Variants in ADGRV1 observed in about 807,000 individuals in gnomAD.
The protein encoded by ADGRV1 is adhesion G protein-coupled receptor V1, also known as G-protein coupled receptor 98.
ADGRV1 carries 359 observed loss-of-function variants against 596.2 expected under a neutral mutation model. That is an observed-to-expected ratio of 0.60 (90% CI 0.55 to 0.66). ADGRV1 has a LOEUF of 0.66. Among genes scored for constraint, ADGRV1 ranks in the 30% least tolerant of loss-of-function variants. The pLI is 0.00. For missense variants in ADGRV1, 7,274 were observed against 7,575.6 expected (o/e 0.96, Z 1.48); for synonymous variants, 2,681 against 2,679.2 (o/e 1.00, Z -0.02).
At chr5:90,861,427 A>C (rs1767548869) in intron 82 of ADGRV1, among the ~76,000 whole-genome samples, 1 of 152,088 alleles carries the variant, frequency 6.6e-6, no homozygotes, top group East Asian at 1.9e-4. Flanking sequence ...CTCCTGCCTC[A>C]GCCTCCCGGG....
intron 85 of ADGRV1, among the ~76,000 whole-genome samples, chr5:91,019,633 A>G (rs942040530): frequency 6.6e-6 from 1 of 151,952 alleles, no homozygotes; most frequent in Non-Finnish European, 1.5e-5. Flanking sequence ...CTTTTTTCAT[A>G]AAAGTCTGAT....
At chr5:90,781,172 A>G (rs528309068) in intron 64 of ADGRV1, 20 of 455,988 alleles carry the variant, frequency 4.4e-5, no homozygotes, top group African/African-American at 4.0e-4. Context: ...TTATCTTCCC[A>G]TTGCCCAAGT....
chr5:91,032,251 G>A (rs998123346), intron 85 of ADGRV1, among the ~76,000 whole-genome samples: 2 of 152,250 alleles, frequency 1.3e-5, no homozygotes, highest in African/African-American at 4.8e-5. Context: ...ATGAGAGGGA[G>A]AAGAGAGAAG....
intron 1 of ADGRV1, among the ~76,000 whole-genome samples, chr5:90,575,021 AT>A (rs1399045272): frequency 4.0e-5 from 6 of 150,850 alleles, no homozygotes; most frequent in Admixed American, 2.6e-4. Flanking sequence ...AATTTTATTT[AT>A]TTTTTTTCAA....
chr5:90,816,303 C>T (rs1337351857), intron 75 of ADGRV1, among the ~76,000 whole-genome samples: 1 of 151,046 alleles, frequency 6.6e-6, no homozygotes, highest in East Asian at 1.9e-4. Context: ...CCTTTAGGAC[C>T]TCCCTATAAT....
intron 50 of ADGRV1, among the ~76,000 whole-genome samples, chr5:90,740,132 G>A (rs937646239): frequency 1.5e-4 from 23 of 152,140 alleles, no homozygotes; most frequent in African/African-American, 4.6e-4. Context: ...CTGCAGCTGG[G>A]TCTGAGTAGG....
chr5:90,918,943 A>G (rs929934560), intron 83 of ADGRV1, among the ~76,000 whole-genome samples: 1 of 152,188 alleles, frequency 6.6e-6, no homozygotes, highest in Non-Finnish European at 1.5e-5. Context: ...CAATCTGGCC[A>G]TAGAACATAA....
intron 1 of ADGRV1, among the ~76,000 whole-genome samples, chr5:90,585,658 A>G (rs1210970564): frequency 1.3e-5 from 2 of 152,210 alleles, no homozygotes; most frequent in Non-Finnish European, 2.9e-5. Context: ...CTATGGGCAT[A>G]TTGTCAGAAG....
Position 90,774,250 on chromosome 5 carries a change from G to A in ADGRV1, c.12350G>A (p.Arg4117His), listed in dbSNP as rs202067248. 487 of 1,610,688 alleles carry A rather than the reference G, an allele frequency of 3.0e-4. No individual in the cohort carries two copies. The highest frequency in any genetic ancestry group is 5.2e-4 in the Admixed American group (31 of 59,902). The change falls in exon 60 of 90, where the codon CGT (arginine) becomes CAT (histidine). Residue 4117 changes from arginine to histidine, a missense_variant. Physicochemically the swap from Arg to His is conservative, Grantham distance 29. This residue lies in a region of ADGRV1 where 3,643 missense variants were observed against 3,809.2 expected (regional missense o/e 0.96). Coordinates refer to ENST00000405460, the MANE Select transcript of ADGRV1 (RefSeq NM_032119.4). ...LQDTVLEEDR[R>H]FTIQLISIDE... The stretch of plus-strand genomic sequence containing the variant: ...GACACAGTGTTGGAGGAGGACAGGC[G>A]TTTCACCATTCAGCTGATATCAATT...
chr5:91,035,861 T>TAAAATATATATATATATATAATATA, intron 85 of ADGRV1, among the ~76,000 whole-genome samples: 7 of 96,404 alleles, frequency 7.3e-5, no homozygotes, highest in Admixed American at 1.1e-4. Context: ...TATATATATA[T>TAAAATATATATATATATATAATATA]TATATATATA....
intron 85 of ADGRV1, among the ~76,000 whole-genome samples, chr5:91,036,653 T>G (rs1581859935): frequency 6.6e-6 from 1 of 151,012 alleles, no homozygotes; most frequent in South Asian, 2.1e-4. Context: ...AGCCCAGGAG[T>G]TGGAGTCTGA....
At position 90,708,888 on chromosome 5, in the gene ADGRV1, A is replaced by G; in HGVS notation, c.8803A>G (p.Thr2935Ala). ...CGTTGGACTTACCATGGCTGCTTCA[A>G]CTTCATTTCCTCCCAGACTAGGTAT... ...TYVGLTMAAS[T>A]SFPPRLDSEG... is the part of the protein sequence containing the mutation. The change falls in exon 39 of 90, where the codon ACT (threonine) becomes GCT (alanine). Residue 2935 changes from threonine to alanine, a missense_variant. Physicochemically the swap from Thr to Ala is moderately conservative, Grantham distance 58. This residue lies in a region of ADGRV1 where 3,643 missense variants were observed against 3,809.2 expected (regional missense o/e 0.96). Transcript: ENST00000405460. 6.2e-7 allele frequency: 1 copy of G among 1,611,300 alleles called. No individual in the cohort carries two copies.
chr5:90,811,713 A>C (rs1183714012), intron 74 of ADGRV1, among the ~76,000 whole-genome samples: 2 of 150,466 alleles, frequency 1.3e-5, no homozygotes, highest in African/African-American at 2.4e-5. Flanking sequence ...CAAAGATCTC[A>C]TTGGCAGGAA....
At chr5:90,883,229 T>G (rs1371279955) in intron 83 of ADGRV1, among the ~76,000 whole-genome samples, 6 of 152,186 alleles carry the variant, frequency 3.9e-5, no homozygotes, top group African/African-American at 1.4e-4. Context: ...TACTAAAAAT[T>G]ACATGTTCAT....
intron 42 of ADGRV1, among the ~76,000 whole-genome samples, chr5:90,716,045 A>G (rs911223849): frequency 5.3e-5 from 8 of 152,184 alleles, no homozygotes; most frequent in Non-Finnish European, 1.2e-4. Context: ...CAATCATGTC[A>G]TCTAGAAAAT....
chr5:90,595,409 C>T (rs1420111616), intron 1 of ADGRV1, among the ~76,000 whole-genome samples: 2 of 28,382 alleles, frequency 7.0e-5, no homozygotes, highest in Admixed American at 2.1e-4. Context: ...ACCTCCCTCC[C>T]GGACTGGGCG....
At chr5:90,848,877 C>A in intron 79 of ADGRV1, 56 bp downstream of exon 79, 2 of 1,247,166 alleles carry the variant, frequency 1.6e-6, no homozygotes, top group Non-Finnish European at 2.2e-6. Flanking sequence ...TCACTGTTTA[C>A]AAAGCAATAT....
chr5:91,102,787 C>G (rs1336436428), intron 87 of ADGRV1, among the ~76,000 whole-genome samples: 1 of 152,166 alleles, frequency 6.6e-6, no homozygotes, highest in African/African-American at 2.4e-5. Context: ...GTTTGGTTCA[C>G]TAAAACATGA....
chr5:90,712,299 G>A lies in ADGRV1; in HGVS notation c.9055G>A (p.Ala3019Thr), dbSNP rs2149722221. ...YIFTPMILHF[A>T]DGERYKNVNI... ...CCTTTTTGACCAGATTCTTCATTTTGCTGATGGAGAAAGGTATAAAAATGT... is the reference window on the plus strand; with the variant it reads ...CCTTTTTGACCAGATTCTTCATTTTACTGATGGAGAAAGGTATAAAAATGT... Residue 3019 changes from alanine to threonine, a missense_variant, in exon 42 of 90, where the codon GCT becomes ACT. Around this residue, in one of 5 missense-constraint regions of ADGRV1, gnomAD observed 3,643 missense variants for 3,809.2 expected, o/e 0.96. Transcript: ENST00000405460. 1 of 1,533,180 alleles carries A rather than the reference G, an allele frequency of 6.5e-7. No individual in the cohort carries two copies. Among genetic ancestry groups the A allele is most frequent in the Non-Finnish European group, 8.8e-7 (1 of 1,134,534 alleles). The allele number at this position is 1,533,180 out of a possible 1,614,324, so 95.0% of individuals were successfully genotyped here. A position where few individuals can be genotyped will look rare whatever the true frequency, so the allele number is the denominator to read the frequency against.
Sources: gnomAD v4.1 joint callset for allele counts (sites outside exome capture counted in the v4.1 genomes callset) on GRCh38, gnomAD v4.1.1 for gene constraint, gnomAD v4.1.1 regional missense constraint, MANE v1.5 for transcripts, NCBI Gene and HGNC (gene_info 2026-07-23, HGNC 2026-07-21) for gene names.